Variants in UGT8 observed in about 807,000 individuals in gnomAD.
UGT8 encodes the protein UDP glycosyltransferase 8.
In UGT8, 12 loss-of-function variants were observed where a neutral mutation model predicts 40.5. The observed-to-expected ratio is 0.30, with a 90% confidence interval of 0.19 to 0.48. The LOEUF is 0.48. UGT8 is among the 20% of genes least tolerant of loss of function. The probability of loss-of-function intolerance (pLI) is 0.99; values close to 1 mark genes in which losing one functional copy is unlikely to be tolerated. For missense variants in UGT8, 513 were observed against 648.7 expected (o/e 0.79, Z 2.27); for synonymous variants, 224 against 240.4 (o/e 0.93, Z 0.63).
Position 114,619,975 on chromosome 4 carries a change from CAT to C in UGT8, c.-2-2902_-2-2901del, listed in dbSNP as rs570111354. Among the ~76,000 whole-genome samples the C allele has an allele frequency of 1.4e-4, 21 of 151,182 alleles. 1 individual carries two copies. The South Asian group carries it at 4.2e-3, about 30-fold the overall frequency. Reference sequence around the variant, plus strand: ...TAAATAATATTGGCTATTATAATAACATAATTATATTAAAATATAAGATAATT... The same window carrying C: ...TAAATAATATTGGCTATTATAATAACAATTATATTAAAATATAAGATAATT... On this transcript the variant is annotated intron_variant, in intron 1 of 5. Transcript: ENST00000310836.
chr4:114,618,263 A>G (rs959786301), intron 1 of UGT8, among the ~76,000 whole-genome samples: 1 of 152,326 alleles, frequency 6.6e-6, no homozygotes, highest in Middle Eastern at 3.4e-3. Context: ...CTACATAAGT[A>G]TTGGTATCTC....
intron 1 of UGT8, among the ~76,000 whole-genome samples, chr4:114,607,102 C>A (rs1377285329): frequency 6.6e-6 from 1 of 152,162 alleles, no homozygotes; most frequent in Non-Finnish European, 1.5e-5. Context: ...AAATCTATTA[C>A]ACATATATTT....
In UGT8 at chr4:114,652,310, A is replaced by T. The variant is rs144082586; in HGVS notation, c.823-11685A>T. On this transcript the variant is annotated intron_variant, in intron 2 of 5. Coordinates refer to ENST00000310836, the MANE Select transcript of UGT8 (RefSeq NM_001128174.3). ...GGGAATGTAGAACCATGTAGTGTTG[A>T]TCAAAGGAGGAAGTAAGAAACAGAA... 3.9e-5 allele frequency among the ~76,000 whole-genome samples: 6 copies of T among 152,154 alleles called. No individual in the cohort carries two copies. In the East Asian group the frequency reaches 1.2e-3, roughly 29 times the overall value.
intron 1 of UGT8, among the ~76,000 whole-genome samples, chr4:114,618,100 G>A (rs1731554674): frequency 6.6e-6 from 1 of 151,906 alleles, no homozygotes. Flanking sequence ...TATGTTACAA[G>A]TATTTTCTGA....
intron 2 of UGT8, among the ~76,000 whole-genome samples, chr4:114,654,315 T>TG (rs924460768): frequency 2.6e-5 from 4 of 152,160 alleles, no homozygotes; most frequent in African/African-American, 9.6e-5. Flanking sequence ...GGACCTCATG[T>TG]GGATCTCTTA....
At chr4:114,627,273 T>C (rs1285125895) in intron 2 of UGT8, among the ~76,000 whole-genome samples, 1 of 150,474 alleles carries the variant, frequency 6.6e-6, no homozygotes, top group Admixed American at 6.6e-5. Flanking sequence ...TTTTTTTTTT[T>C]TGAGATGGAA....
intron 1 of UGT8, among the ~76,000 whole-genome samples, chr4:114,621,913 AT>A (rs973113301): frequency 1.3e-5 from 2 of 151,864 alleles, no homozygotes; most frequent in African/African-American, 4.8e-5. Flanking sequence ...TTTAATAGTG[AT>A]TTTTTTTGTA....
Position 114,648,576 on chromosome 4 carries a change from T to C in UGT8, c.823-15419T>C, listed in dbSNP as rs984363348. The stretch of plus-strand genomic sequence containing the variant: ...AAGAATATATTTATGAGGAACAAGC[T>C]GTTGACATGTTTTTAAAACTTCAGT... On this transcript the variant is annotated intron_variant, in intron 2 of 5. Coordinates refer to ENST00000310836, the MANE Select transcript of UGT8 (RefSeq NM_001128174.3). Among the ~76,000 whole-genome samples, 3 of 152,178 alleles carry C rather than the reference T, an allele frequency of 2.0e-5. No homozygotes were observed. In the East Asian group the frequency reaches 5.8e-4, roughly 29 times the overall value.
At chr4:114,634,614 G>A (rs960431334) in intron 2 of UGT8, among the ~76,000 whole-genome samples, 1 of 152,168 alleles carries the variant, frequency 6.6e-6, no homozygotes, top group Admixed American at 6.5e-5. Context: ...GACAATTTTA[G>A]TTGTTGCTAA....
chr4:114,611,600 C>T (rs375392501), intron 1 of UGT8, among the ~76,000 whole-genome samples: 1 of 147,884 alleles, frequency 6.8e-6, no homozygotes, highest in South Asian at 2.1e-4. Context: ...CCTGTATAAT[C>T]ATAGATACTT....
At chr4:114,628,383 A>G (rs9995303) in intron 2 of UGT8, among the ~76,000 whole-genome samples, 142,766 of 152,156 alleles carry the variant, frequency 0.94, 67,721 homozygotes, top group East Asian at 1. Context: ...CAAGTGATTC[A>G]GCCACCTTGG....
Position 114,623,670 on chromosome 4 carries a change from A to T in UGT8, c.790A>T (p.Ile264Phe). 1 of 1,601,548 alleles carries T rather than the reference A, an allele frequency of 6.2e-7. No individual in the cohort carries two copies. Residue 264 changes from isoleucine to phenylalanine, a missense_variant, in exon 2 of 6, where the codon ATC becomes TTC. Physicochemically the swap from Ile to Phe is conservative, Grantham distance 21 (BLOSUM62 0). This residue lies in a region of UGT8 where 335 missense variants were observed against 444.8 expected (regional missense o/e 0.75). Transcript: ENST00000310836. ...TLPNVVYVGGILTKPASPLPE... is the reference protein window; with the variant it reads ...TLPNVVYVGGFLTKPASPLPE... ...GCCTAATGTTGTTTATGTAGGAGGA[A>T]TCCTAACCAAACCAGCCAGCCCACT...
At chr4:114,654,599 T>C (rs555500491) in intron 2 of UGT8, among the ~76,000 whole-genome samples, 3 of 152,214 alleles carry the variant, frequency 2.0e-5, no homozygotes, top group South Asian at 2.1e-4. Context: ...AAATTAGCTG[T>C]TGGCTGAGAC....
rs147477632 is a variant in UGT8 at position 114,626,845 on chromosome 4, C to T, written c.822+3143C>T. Among the ~76,000 whole-genome samples the T allele has an allele frequency of 2.4e-3, 367 of 152,246 alleles. 1 individual carries two copies. The highest frequency in any genetic ancestry group is 8.7e-3 in the African/African-American group (361 of 41,546). ...TTTGAATCTTATTTATTTTATGTCT[C>T]TCAAAGATTGTCAGGGCTTAATACT... On this transcript the variant is annotated intron_variant, in intron 2 of 5. Coordinates refer to ENST00000310836, the MANE Select transcript of UGT8 (RefSeq NM_001128174.3).
intron 1 of UGT8, among the ~76,000 whole-genome samples, chr4:114,611,593 G>A (rs1236481068): frequency 6.8e-6 from 1 of 147,366 alleles, no homozygotes; most frequent in Admixed American, 6.8e-5. Context: ...ATTCTTACCT[G>A]TATAATCATA....
At chr4:114,624,663 C>CA (rs1560678036) in intron 2 of UGT8, among the ~76,000 whole-genome samples, 1 of 152,124 alleles carries the variant, frequency 6.6e-6, no homozygotes, top group East Asian at 1.9e-4. Context: ...TCCAGATTTT[C>CA]TCGTATAGAT....
intron 1 of UGT8, among the ~76,000 whole-genome samples, chr4:114,618,774 G>C (rs984045776): frequency 6.6e-6 from 1 of 152,016 alleles, no homozygotes; most frequent in Non-Finnish European, 1.5e-5. Flanking sequence ...TTAACACTGT[G>C]CTATTCAATT....
At chr4:114,663,264 T>C (rs769263122) in intron 2 of UGT8, among the ~76,000 whole-genome samples, 3 of 152,102 alleles carry the variant, frequency 2.0e-5, no homozygotes, top group Non-Finnish European at 4.4e-5. Flanking sequence ...CTATGAGATA[T>C]AACTGTGGCA....
chr4:114,665,580 T>C, intron 3 of UGT8, 100 bp from the exon 4 acceptor site: 2 of 1,227,018 alleles, frequency 1.6e-6, no homozygotes, highest in Admixed American at 3.5e-5. Flanking sequence ...CAACAAAAGA[T>C]CATCAAACAT....
Sources: allele counts gnomAD v4.1 joint callset (sites outside exome capture counted in the v4.1 genomes callset), GRCh38; gene constraint gnomAD v4.1.1; regional missense constraint gnomAD v4.1.1; transcripts MANE v1.5; gene names NCBI Gene and HGNC (gene_info 2026-07-23, HGNC 2026-07-21).